The following STAMBP variants were observed in gnomAD, a reference collection of about 807,000 sequenced individuals.
STAMBP encodes STAM binding protein, also known as STAM-binding protein.
A neutral mutation model predicts 50.7 loss-of-function variants in STAMBP; 31 were observed. That is an observed-to-expected ratio of 0.61 (90% confidence interval 0.46 to 0.83). The LOEUF (loss-of-function observed/expected upper bound fraction) is 0.83, where lower values mean the gene tolerates loss of function less well. Among genes scored for constraint, STAMBP ranks in the 40% least tolerant of loss-of-function variants. The probability of loss-of-function intolerance (pLI) is 0.00; values close to 1 mark genes in which losing one functional copy is unlikely to be tolerated. For missense variants in STAMBP, 472 were observed against 518.9 expected (o/e 0.91, Z 0.88); for synonymous variants, 211 against 192.4 (o/e 1.10, Z -0.80).
intron 7 of STAMBP, among the ~76,000 whole-genome samples, chr2:73,852,917 G>GGTTGT (rs776970417): frequency 1.6e-5 from 2 of 122,770 alleles, no homozygotes; most frequent in East Asian, 5.0e-4. Flanking sequence ...ATGTTGGCCA[G>GGTTGT]GTGTGTGTGT....
In STAMBP at chr2:73,847,734, A is replaced by C. The variant is rs2104506534; in HGVS notation, c.723A>C (p.Ala241=). 1 of 1,613,630 alleles carries C rather than the reference A, an allele frequency of 6.2e-7. No individual in the cohort carries two copies. Among genetic ancestry groups the C allele is most frequent in the Non-Finnish European group, 8.5e-7 (1 of 1,179,816 alleles). Reference sequence around the variant, plus strand: ...TGGACAGGTCCTTGAAACCTGGAGCACTGAGCAACTCAGAAAGTAGTAAGT... The same window carrying C: ...TGGACAGGTCCTTGAAACCTGGAGCCCTGAGCAACTCAGAAAGTAGTAAGT... The part of the protein sequence containing the change: ...PVVDRSLKPG[A]LSNSESIPTI... The change falls in exon 5 of 10, where the codon GCA becomes GCC. Residue 241 remains alanine, a synonymous_variant. Transcript: ENST00000394070.
At chr2:73,843,568 C>G (rs1420356783) in intron 2 of STAMBP, among the ~76,000 whole-genome samples, 1 of 151,936 alleles carries the variant, frequency 6.6e-6, no homozygotes, top group Admixed American at 6.6e-5. Context: ...CGCACCCAGC[C>G]TCTTTTATAT....
rs773174110 is a variant in STAMBP at position 73,850,344 on chromosome 2, G to T, written c.868-32G>T. ...GGAGCAGGGTTGCATGAGCACCAGGGAATTGTGACCAGCTGTTTTCTCCTT... is the reference window on the plus strand; with the variant it reads ...GGAGCAGGGTTGCATGAGCACCAGGTAATTGTGACCAGCTGTTTTCTCCTT... On this transcript the variant is annotated intron_variant, in intron 6 of 9. Transcript: ENST00000394070. This position sits in a 1 kb window ranked among gnomAD's most constrained non-coding sequence, Gnocchi z 4.3. 6.3e-7 allele frequency: 1 copy of T among 1,588,884 alleles called. No individual in the cohort carries two copies. Among genetic ancestry groups the T allele is most frequent in the Non-Finnish European group, 8.6e-7 (1 of 1,166,820 alleles).
chr2:73,832,460 CA>C lies in STAMBP; in HGVS notation c.203+1417del, dbSNP rs76931812. 7.8e-3 allele frequency among the ~76,000 whole-genome samples: 960 copies of C among 122,600 alleles called. 2 individuals carry two copies. Among genetic ancestry groups the C allele is most frequent in the Middle Eastern group, 0.012 (3 of 254 alleles). 80.4% of individuals were successfully genotyped at this position (122,600 alleles called of 152,430 possible). A position where few individuals can be genotyped will look rare whatever the true frequency, so the allele number is the denominator to read the frequency against. On this transcript the variant is annotated intron_variant, in intron 2 of 9. Coordinates refer to ENST00000394070, the MANE Select transcript of STAMBP (RefSeq NM_213622.4). ...ACTAGGTGGCAAAGCGAGACTGTTT[CA>C]AAAAAAAAAAAAAAAGTCTCCCCAC...
rs1172055962 is a variant in STAMBP at position 73,850,182 on chromosome 2, A to G, written c.868-194A>G. Reference sequence around the variant, plus strand: ...GCAGAGTTCTGGGGTTGGTCTCTGCATCTGTCGCTGTACAGAGTACCCCAG... The same window carrying G: ...GCAGAGTTCTGGGGTTGGTCTCTGCGTCTGTCGCTGTACAGAGTACCCCAG... On this transcript the variant is annotated intron_variant, in intron 6 of 9. Coordinates refer to ENST00000394070, the MANE Select transcript of STAMBP (RefSeq NM_213622.4). This position sits in a 1 kb window ranked among gnomAD's most constrained non-coding sequence, Gnocchi z 4.3. 1.3e-5 allele frequency among the ~76,000 whole-genome samples: 2 copies of G among 152,224 alleles called. No individual in the cohort carries two copies. Among genetic ancestry groups the G allele is most frequent in the Admixed American group, 6.5e-5 (1 of 15,280 alleles).
rs1327624089 is a variant in STAMBP at position 73,862,827 on chromosome 2, G to A, written c.*568G>A. On this transcript the variant is annotated 3_prime_UTR_variant, in exon 10 of 10. Coordinates refer to ENST00000394070, the MANE Select transcript of STAMBP (RefSeq NM_213622.4). ...AAGAATGATTTTGTCAGGAATTATTGTTATTTAATAAATATTTCAGGATAT... is the reference window on the plus strand; with the variant it reads ...AAGAATGATTTTGTCAGGAATTATTATTATTTAATAAATATTTCAGGATAT... The A allele has an allele frequency of 6.6e-6, 1 of 152,552 alleles. No individual in the cohort carries two copies. Among genetic ancestry groups the A allele is most frequent in the African/African-American group, 2.4e-5 (1 of 41,428 alleles). The allele number at this position is 152,552 out of a possible 1,614,324, so 9.4% of individuals were successfully genotyped here. A position where few individuals can be genotyped will look rare whatever the true frequency, so the allele number is the denominator to read the frequency against.
At position 73,862,379 on chromosome 2, in the gene STAMBP, C is replaced by A; in HGVS notation, c.*120C>A. The A allele has an allele frequency of 1.5e-6, 1 of 664,058 alleles. No individual in the cohort carries two copies. The highest frequency in any genetic ancestry group is 4.4e-5 in the South Asian group (1 of 22,802). The allele number at this position is 664,058 out of a possible 1,614,324, so 41.1% of individuals were successfully genotyped here. ...GTAGATAGTAGAAAGGGGGGCATCACCTGAGAAAGAGCTGATTTTGTATTT... is the reference window on the plus strand; with the variant it reads ...GTAGATAGTAGAAAGGGGGGCATCAACTGAGAAAGAGCTGATTTTGTATTT... On this transcript the variant is annotated 3_prime_UTR_variant, in exon 10 of 10. Coordinates refer to ENST00000394070, the MANE Select transcript of STAMBP (RefSeq NM_213622.4).
rs758850614 is a variant in STAMBP at position 73,849,524 on chromosome 2, C to T, written c.867+37C>T. On this transcript the variant is annotated intron_variant, in intron 6 of 9. Coordinates refer to ENST00000394070, the MANE Select transcript of STAMBP (RefSeq NM_213622.4). ...AAAAAAACCAAACTCTTCTCTGAACCGAAACTGTTTCTTCCCCTCTTGGCA... is the reference window on the plus strand; with the variant it reads ...AAAAAAACCAAACTCTTCTCTGAACTGAAACTGTTTCTTCCCCTCTTGGCA... 8 of 1,555,706 alleles carry T rather than the reference C, an allele frequency of 5.1e-6. 2 individuals carry two copies. Among genetic ancestry groups the T allele is most frequent in the South Asian group, 5.0e-5 (4 of 80,416 alleles).
chr2:73,832,583 A>T (rs1674101688), intron 2 of STAMBP, among the ~76,000 whole-genome samples: 1 of 152,070 alleles, frequency 6.6e-6, no homozygotes, highest in African/African-American at 2.4e-5. Flanking sequence ...ATATACACAT[A>T]CCAGTTTTAT....
rs2104545623 is a variant in STAMBP, at chr2:73,850,555, C to T, written c.1005+42C>T. 6.3e-7 allele frequency: 1 copy of T among 1,584,048 alleles called. No individual in the cohort carries two copies. On this transcript the variant is annotated intron_variant, in intron 7 of 9. Transcript: ENST00000394070. The surrounding 1 kb of genome is among the most constrained non-coding windows in gnomAD (Gnocchi z 4.3). ...TGTCCGAGAGTTAGTCTCTGCCTCT[C>T]CCATGGTGGTATAAATACATGAGTG...
intron 2 of STAMBP, among the ~76,000 whole-genome samples, chr2:73,833,079 T>G (rs752226315): frequency 6.6e-6 from 1 of 152,194 alleles, no homozygotes; most frequent in African/African-American, 2.4e-5. Context: ...GCAGGCTATA[T>G]TTATAGTCAG....
At chr2:73,839,588 C>A (rs140036363) in intron 2 of STAMBP, among the ~76,000 whole-genome samples, 3 of 152,300 alleles carry the variant, frequency 2.0e-5, no homozygotes, top group African/African-American at 7.2e-5. Flanking sequence ...TTAATGCATC[C>A]ATGTTAAAGA....
Position 73,844,842 on chromosome 2 carries a change from G to A in STAMBP, c.233G>A (p.Arg78Gln), listed in dbSNP as rs776593334. The A allele has an allele frequency of 8.1e-6, 13 of 1,613,796 alleles. No individual in the cohort carries two copies. Among genetic ancestry groups the A allele is most frequent in the African/African-American group, 4.0e-5 (3 of 74,874 alleles). ...TLFIEKLPKH[R>Q]DYKSAVIPEK... The stretch of plus-strand genomic sequence containing the variant: ...TTTATTGAGAAACTACCAAAACATC[G>A]AGATTACAAATCTGCTGTCATTCCT... The change falls in exon 3 of 10, where the codon CGA (arginine) becomes CAA (glutamine). Residue 78 changes from arginine (R) to glutamine (Q), a missense_variant. Coordinates refer to ENST00000394070, the MANE Select transcript of STAMBP (RefSeq NM_213622.4).
At chr2:73,854,314 A>G (rs1447687569) in intron 7 of STAMBP, among the ~76,000 whole-genome samples, 1 of 152,224 alleles carries the variant, frequency 6.6e-6, no homozygotes, top group African/African-American at 2.4e-5. Context: ...CCAAGGAGGA[A>G]TTAGAAACTG....
chr2:73,863,434 A>T lies in STAMBP; in HGVS notation c.*1175A>T, dbSNP rs1401913126. 6.6e-6 allele frequency: 1 copy of T among 152,134 alleles called. No individual in the cohort carries two copies. Among genetic ancestry groups the T allele is most frequent in the Non-Finnish European group, 1.5e-5 (1 of 68,026 alleles). The allele number at this position is 152,134 out of a possible 1,614,324, so 9.4% of individuals were successfully genotyped here. A position where few individuals can be genotyped will look rare whatever the true frequency, so the allele number is the denominator to read the frequency against. ...GGAGAAGAGTGATTTATTCTTTATC[A>T]GAATTCTAGGTGGGGGAGGGAGAAT... On this transcript the variant is annotated 3_prime_UTR_variant, in exon 10 of 10. Transcript: ENST00000394070.
chr2:73,850,263 T>G lies in STAMBP; in HGVS notation c.868-113T>G. On this transcript the variant is annotated intron_variant, in intron 6 of 9. Transcript: ENST00000394070. The surrounding 1 kb of genome is among the most constrained non-coding windows in gnomAD (Gnocchi z 4.3). Reference sequence around the variant, plus strand: ...CCACTGAGTGGCAGGACTCCTGCTGTGTGGGAAGGGCTTTCACTTGTATAG... The same window carrying G: ...CCACTGAGTGGCAGGACTCCTGCTGGGTGGGAAGGGCTTTCACTTGTATAG... 2.9e-6 allele frequency: 4 copies of G among 1,369,982 alleles called. No homozygotes were observed. In the South Asian group the frequency reaches 6.0e-5, roughly 21 times the overall value. 84.9% of individuals were successfully genotyped at this position (1,369,982 alleles called of 1,614,324 possible).
intron 2 of STAMBP, among the ~76,000 whole-genome samples, chr2:73,842,059 A>G (rs1248354948): frequency 6.6e-6 from 1 of 152,156 alleles, no homozygotes; most frequent in African/African-American, 2.4e-5. Context: ...AAAGTTTCAC[A>G]CCTACTCTTA....
chr2:73,857,645 G>A (rs1290186955), intron 7 of STAMBP, among the ~76,000 whole-genome samples: 1 of 152,156 alleles, frequency 6.6e-6, no homozygotes, highest in Non-Finnish European at 1.5e-5. Context: ...GACGGCATGC[G>A]CTTGCCTGGG....
At chr2:73,831,459 T>C (rs1462356711) in intron 2 of STAMBP, among the ~76,000 whole-genome samples, 3 of 152,218 alleles carry the variant, frequency 2.0e-5, no homozygotes, top group African/African-American at 7.2e-5. Context: ...AATTTAGTGA[T>C]ACAGGAAAAA....
Sources: gnomAD v4.1 joint callset for allele counts (sites outside exome capture counted in the v4.1 genomes callset) on GRCh38, gnomAD v4.1.1 for gene constraint, Gnocchi (gnomAD v3.1) non-coding constraint, MANE v1.5 for transcripts, NCBI Gene and HGNC (gene_info 2026-07-23, HGNC 2026-07-21) for gene names.